The following RBFOX1 variants were observed in gnomAD, a reference collection of about 807,000 sequenced individuals.
The protein encoded by RBFOX1 is RNA binding protein fox-1 homolog 1.
RBFOX1 carries 8 observed loss-of-function variants against 57.7 expected under a neutral mutation model. That is an observed-to-expected ratio of 0.14 (90% CI 0.08 to 0.25). RBFOX1 has a LOEUF of 0.25. RBFOX1 is among the 10% of genes least tolerant of loss of function. The pLI, the probability that RBFOX1 is intolerant of heterozygous loss-of-function variation, is 1.00. For synonymous variants in RBFOX1, 326 were observed against 222.4 expected (o/e 1.47, Z -4.15); for missense variants, 611 against 548.5 (o/e 1.11, Z -1.14).
At position 6,643,578 on chromosome 16, in the gene RBFOX1, G is replaced by C. The variant is rs2098509575; in HGVS notation, c.-63-11025G>C. ...GAACACCCTCGTTATCTTTAATAAA[G>C]CAATTAACTTTAGAACATTGGTTTA... On this transcript the variant is annotated intron_variant, in intron 2 of 15. Transcript: ENST00000550418. Among the ~76,000 whole-genome samples, 4 of 152,212 alleles carry C rather than the reference G, an allele frequency of 2.6e-5. No individual in the cohort carries two copies. The South Asian group carries it at 8.3e-4, about 32-fold the overall frequency.
chr16:6,675,031 C>T (rs1414735862), intron 3 of RBFOX1, among the ~76,000 whole-genome samples: 1 of 152,000 alleles, frequency 6.6e-6, no homozygotes, highest in Non-Finnish European at 1.5e-5. Flanking sequence ...TCAGCCTCCT[C>T]ATTAGCTGGG....
intron 3 of RBFOX1, among the ~76,000 whole-genome samples, chr16:6,876,124 A>G (rs959383481): frequency 3.3e-5 from 5 of 152,134 alleles, no homozygotes; most frequent in Admixed American, 1.3e-4. Flanking sequence ...TTGAGGCTGC[A>G]GTGAGCCATG....
intron 4 of RBFOX1, among the ~76,000 whole-genome samples, chr16:7,244,433 T>C (rs1034512027): frequency 2.6e-5 from 4 of 152,158 alleles, no homozygotes; most frequent in Non-Finnish European, 5.9e-5. Context: ...ATCTTTGTCA[T>C]TTCTTGTCAT....
rs541221374 is a variant in RBFOX1, at chr16:5,373,636, T to A, written c.220-93580T>A. Reference sequence around the variant, plus strand: ...TTTTTTTGTTTTCAGATGGAATCTCTCTCTGTCACCCAGGCTGGTGTGCGG... The same window carrying A: ...TTTTTTTGTTTTCAGATGGAATCTCACTCTGTCACCCAGGCTGGTGTGCGG... On this transcript the variant is annotated intron_variant, in intron 1 of 2. Transcript: ENST00000585867. 7.4e-4 allele frequency among the ~76,000 whole-genome samples: 113 copies of A among 152,012 alleles called. 3 individuals carry two copies. In the Middle Eastern group the frequency reaches 0.01, roughly 14 times the overall value.
intron 4 of RBFOX1, among the ~76,000 whole-genome samples, chr16:5,937,464 C>T (rs2059190102): frequency 6.6e-6 from 1 of 151,932 alleles, no homozygotes; most frequent in African/African-American, 2.4e-5. Context: ...TAAAGAAAAG[C>T]CCCTGGAATA....
intron 4 of RBFOX1, among the ~76,000 whole-genome samples, chr16:7,080,000 G>GTA (rs1411332288): frequency 1.6e-3 from 224 of 142,482 alleles, no homozygotes; most frequent in African/African-American, 4.9e-3. Flanking sequence ...AATTCATTGT[G>GTA]TATATATATA....
At chr16:6,123,992 G>T (rs1331018775) in intron 1 of RBFOX1, among the ~76,000 whole-genome samples, 2 of 152,158 alleles carry the variant, frequency 1.3e-5, no homozygotes, top group Non-Finnish European at 2.9e-5. Flanking sequence ...AAAAAATGAA[G>T]TCTTGCTTGG....
intron 3 of RBFOX1, among the ~76,000 whole-genome samples, chr16:6,932,753 A>C (rs1480991400): frequency 6.6e-6 from 1 of 152,216 alleles, no homozygotes; most frequent in Non-Finnish European, 1.5e-5. Context: ...AATACAATGT[A>C]AAATTTACCA....
chr16:7,436,716 G>T (rs1025849216), intron 4 of RBFOX1, among the ~76,000 whole-genome samples: 1 of 152,174 alleles, frequency 6.6e-6, no homozygotes, highest in Admixed American at 6.5e-5. Flanking sequence ...TCCCATCTCA[G>T]TGAAATAGCT....
At chr16:6,862,294 G>C (rs146924868) in intron 3 of RBFOX1, among the ~76,000 whole-genome samples, 5 of 152,244 alleles carry the variant, frequency 3.3e-5, no homozygotes, top group East Asian at 1.9e-4. Context: ...GTCTGGAGTG[G>C]AGACTGTTTG....
intron 3 of RBFOX1, among the ~76,000 whole-genome samples, chr16:6,945,921 C>G (rs2079417513): frequency 6.6e-6 from 1 of 152,140 alleles, no homozygotes; most frequent in Non-Finnish European, 1.5e-5. Flanking sequence ...TGGTGCTAAC[C>G]CTAAGCCCCC....
chr16:6,047,944 G>A (rs1162592396), intron 1 of RBFOX1, among the ~76,000 whole-genome samples: 1 of 152,200 alleles, frequency 6.6e-6, no homozygotes, highest in African/African-American at 2.4e-5. Context: ...GCAGTGACAT[G>A]TCTGCATGTT....
At chr16:7,023,564 T>TAAAAAAACAAAAAAAAA (rs2039955223) in intron 3 of RBFOX1, among the ~76,000 whole-genome samples, 1 of 43,916 alleles carries the variant, frequency 2.3e-5, no homozygotes, top group African/African-American at 8.9e-5. Context: ...TCGTCTGTAC[T>TAAAAAAACAAAAAAAAA]AAAAAAAAAA....
At chr16:7,243,218 C>G (rs2094147289) in intron 4 of RBFOX1, among the ~76,000 whole-genome samples, 3 of 152,162 alleles carry the variant, frequency 2.0e-5, no homozygotes, top group South Asian at 4.1e-4. Context: ...GTGCCAACAA[C>G]TACTCCAAGC....
intron 1 of RBFOX1, among the ~76,000 whole-genome samples, chr16:6,162,428 T>G (rs534660592): frequency 1.3e-5 from 2 of 152,280 alleles, no homozygotes; most frequent in African/African-American, 4.8e-5. Flanking sequence ...ATTTCTGTAT[T>G]TTAACAGGAA....
At chr16:7,177,315 G>T (rs1471572319) in intron 4 of RBFOX1, among the ~76,000 whole-genome samples, 4 of 152,100 alleles carry the variant, frequency 2.6e-5, no homozygotes, top group African/African-American at 9.7e-5. Context: ...AAAAAGCCCT[G>T]AAGGCCTCAA....
At chr16:7,704,271 G>A (rs1052784303) in intron 14 of RBFOX1, among the ~76,000 whole-genome samples, 1 of 152,198 alleles carries the variant, frequency 6.6e-6, no homozygotes, top group Non-Finnish European at 1.5e-5. Flanking sequence ...AAGCCATGGT[G>A]AATTAGCCAG....
At chr16:6,574,214 C>T (rs996574893) in intron 2 of RBFOX1, among the ~76,000 whole-genome samples, 9 of 151,988 alleles carry the variant, frequency 5.9e-5, no homozygotes, top group African/African-American at 2.2e-4. Context: ...CCTCAGTTTT[C>T]TTATCTGTAA....
intron 11 of RBFOX1, among the ~76,000 whole-genome samples, chr16:7,635,963 A>C (rs951095772): frequency 2.6e-5 from 4 of 152,156 alleles, no homozygotes; most frequent in African/African-American, 9.7e-5. Context: ...GGCGCCCGCC[A>C]CCATGCCCGG....
Sources: gnomAD v4.1 joint callset for allele counts (sites outside exome capture counted in the v4.1 genomes callset) on GRCh38, gnomAD v4.1.1 for gene constraint, MANE v1.5 for transcripts, NCBI Gene and HGNC (gene_info 2026-07-23, HGNC 2026-07-21) for gene names.